GLS: variants seen among roughly 807,000 people sequenced by gnomAD.
GLS encodes the protein glutaminase kidney isoform, mitochondrial.
In GLS, 36 loss-of-function variants were observed where a neutral mutation model predicts 86.7. The ratio of observed to expected loss-of-function variants is 0.42; its 90% CI spans 0.32 to 0.55. The LOEUF is 0.55. Among genes scored for constraint, GLS ranks in the 20% least tolerant of loss-of-function variants. The pLI, the probability that GLS is intolerant of heterozygous loss-of-function variation, is 0.17. For missense variants in GLS, 528 were observed against 833.4 expected (o/e 0.63, Z 4.51); for synonymous variants, 317 against 305.9 (o/e 1.04, Z -0.38).
At chr2:190,933,798 A>G (rs930211628) in intron 14 of GLS, 6 of 696,266 alleles carry the variant, frequency 8.6e-6, no homozygotes, top group African/African-American at 5.8e-5. Flanking sequence ...TTCTTTTGTG[A>G]TAAGTTATAG....
intron 12 of GLS, among the ~76,000 whole-genome samples, chr2:190,928,819 C>G (rs1174682596): frequency 7.5e-6 from 1 of 134,176 alleles, no homozygotes; most frequent in Non-Finnish European, 1.5e-5. Context: ...TTTCCACTGT[C>G]TCTACATTGC....
At chr2:190,939,427 C>T (rs1196730733) in intron 14 of GLS, among the ~76,000 whole-genome samples, 3 of 151,600 alleles carry the variant, frequency 2.0e-5, no homozygotes, top group Non-Finnish European at 4.4e-5. Flanking sequence ...CTTCTCCCTA[C>T]AAGTTTCAGT....
At chr2:190,903,179 A>T (rs1390539386) in intron 5 of GLS, among the ~76,000 whole-genome samples, 2 of 151,994 alleles carry the variant, frequency 1.3e-5, no homozygotes, top group African/African-American at 4.8e-5. Flanking sequence ...AAAATCTGTG[A>T]CTCGTAAGGA....
rs1689417699 is a variant in GLS at position 190,913,142 on chromosome 2, G to A, written c.1038+2821G>A. The stretch of plus-strand genomic sequence containing the variant: ...ACCCCAAAATTAAGTAGAGTCTTTA[G>A]TAAGACTCTTGATTTCATAATTTTG... On this transcript the variant is annotated intron_variant, in intron 7 of 17. Coordinates refer to ENST00000320717, the MANE Select transcript of GLS (RefSeq NM_014905.5). The surrounding 1 kb of genome is among the most constrained non-coding windows in gnomAD (Gnocchi z 6.1). 1.6e-6 allele frequency: 2 copies of A among 1,282,378 alleles called. No homozygotes were observed. Among genetic ancestry groups the A allele is most frequent in the Non-Finnish European group, 1.0e-6 (1 of 969,330 alleles). The allele number at this position is 1,282,378 out of a possible 1,614,324, so 79.4% of individuals were successfully genotyped here.
At chr2:190,891,219 C>G (rs1174467637) in intron 1 of GLS, among the ~76,000 whole-genome samples, 1 of 152,134 alleles carries the variant, frequency 6.6e-6, no homozygotes, top group Admixed American at 6.5e-5. Context: ...AAAAACACTT[C>G]TACCATAGTA....
Position 190,913,042 on chromosome 2 carries a change from AT to A in GLS, c.1038+2732del, listed in dbSNP as rs11363248. Among the ~76,000 whole-genome samples the A allele has an allele frequency of 0.92, 139,091 of 151,014 alleles. 64,099 individuals carry two copies. The highest frequency in any genetic ancestry group is 0.94 in the Non-Finnish European group (63,794 of 67,686). On this transcript the variant is annotated intron_variant, in intron 7 of 17. Coordinates refer to ENST00000320717, the MANE Select transcript of GLS (RefSeq NM_014905.5). This position sits in a 1 kb window ranked among gnomAD's most constrained non-coding sequence, Gnocchi z 6.1. Reference sequence around the variant, plus strand: ...ATTGATGACCTTAAGGCTATTTGTGATTTTTTTTTTTCTTTCAAAATTCAGG... The same window carrying A: ...ATTGATGACCTTAAGGCTATTTGTGATTTTTTTTTTCTTTCAAAATTCAGG...
chr2:190,950,055 G>A (rs1690679498), intron 14 of GLS, among the ~76,000 whole-genome samples: 1 of 151,714 alleles, frequency 6.6e-6, no homozygotes, highest in Admixed American at 6.6e-5. Context: ...TGAAAAGAGG[G>A]GAGTGTTTTA....
intron 3 of GLS, among the ~76,000 whole-genome samples, chr2:190,899,342 G>A (rs12987113): frequency 0.45 from 69,018 of 151,740 alleles, 18,901 homozygotes; most frequent in Non-Finnish European, 0.62. Context: ...TGTAATAGGG[G>A]GATCCTTATG....
chr2:190,937,644 A>G (rs1690310023), intron 14 of GLS, among the ~76,000 whole-genome samples: 1 of 151,286 alleles, frequency 6.6e-6, no homozygotes, highest in Non-Finnish European at 1.5e-5. Flanking sequence ...TGCCATTTCT[A>G]TTTTGTAGAT....
At chr2:190,900,376 C>T (rs1688896934) in intron 3 of GLS, among the ~76,000 whole-genome samples, 188 bp from the exon 4 acceptor site, 1 of 152,082 alleles carries the variant, frequency 6.6e-6, no homozygotes, top group Admixed American at 6.6e-5. Flanking sequence ...CGTTCAACAG[C>T]TTACAAGCAA....
rs1690235846 is a variant in GLS at position 190,935,196 on chromosome 2, T to C, written c.1650+3559T>C. ...TGTTTGGATGAAAACATTTGTGTTG[T>C]TTAGCTTTCATTTGCTTTGTATATT... On this transcript the variant is annotated intron_variant, in intron 14 of 17. Transcript: ENST00000320717. The surrounding 1 kb of genome is among the most constrained non-coding windows in gnomAD (Gnocchi z 4.2). 2.2e-6 allele frequency: 2 copies of C among 889,820 alleles called. No homozygotes were observed. The highest frequency in any genetic ancestry group is 2.7e-6 in the Non-Finnish European group (2 of 743,028). 55.1% of individuals were successfully genotyped at this position (889,820 alleles called of 1,614,324 possible).
intron 1 of GLS, among the ~76,000 whole-genome samples, chr2:190,885,860 A>T (rs566440912): frequency 2.0e-4 from 29 of 147,248 alleles, no homozygotes; most frequent in East Asian, 7.9e-4. Context: ...TTTTTTTTTT[A>T]AATTTTATTT....
intron 11 of GLS, among the ~76,000 whole-genome samples, chr2:190,926,354 A>C (rs1415457314): frequency 6.6e-6 from 1 of 152,160 alleles, no homozygotes; most frequent in Non-Finnish European, 1.5e-5. Context: ...TTTTTATATA[A>C]ATAGGCAATG....
intron 1 of GLS, among the ~76,000 whole-genome samples, chr2:190,885,439 T>C (rs1012532666): frequency 2.6e-5 from 4 of 152,160 alleles, no homozygotes; most frequent in African/African-American, 9.7e-5. Context: ...ATCTGCCCGC[T>C]GTGGCCACCC....
intron 5 of GLS, among the ~76,000 whole-genome samples, chr2:190,903,021 G>A (rs1193117282): frequency 6.6e-6 from 1 of 152,132 alleles, no homozygotes; most frequent in African/African-American, 2.4e-5. Flanking sequence ...TCAAGATAAT[G>A]TTGCAATTAA....
intron 14 of GLS, among the ~76,000 whole-genome samples, chr2:190,941,806 G>T (rs1293177943): frequency 6.6e-6 from 1 of 152,044 alleles, no homozygotes. Flanking sequence ...CTAAGAGATG[G>T]GGCCATATTA....
Position 190,953,684 on chromosome 2 carries a change from G to A in GLS, c.1712+58G>A. Reference sequence around the variant, plus strand: ...ACAGATATTTATGAAGTTGCTTCTGGGCGAGCAGCCATTTTAAGGTTAAAG... The same window carrying A: ...ACAGATATTTATGAAGTTGCTTCTGAGCGAGCAGCCATTTTAAGGTTAAAG... On this transcript the variant is annotated intron_variant, in intron 15 of 17. Coordinates refer to ENST00000320717, the MANE Select transcript of GLS (RefSeq NM_014905.5). This position sits in a 1 kb window ranked among gnomAD's most constrained non-coding sequence, Gnocchi z 4.0. The A allele has an allele frequency of 8.6e-7, 1 of 1,160,460 alleles. No homozygotes were observed. The highest frequency in any genetic ancestry group is 2.0e-4 in the Middle Eastern group (1 of 5,090). The allele number at this position is 1,160,460 out of a possible 1,614,324, so 71.9% of individuals were successfully genotyped here.
At chr2:190,916,321 A>G (rs984846999) in intron 7 of GLS, among the ~76,000 whole-genome samples, 18 of 152,162 alleles carry the variant, frequency 1.2e-4, no homozygotes, top group Non-Finnish European at 2.9e-5. Context: ...TATTTTTGTT[A>G]ACATCTGTTT....
At chr2:190,890,705 A>T (rs924738532) in intron 1 of GLS, among the ~76,000 whole-genome samples, 1 of 152,238 alleles carries the variant, frequency 6.6e-6, no homozygotes, top group African/African-American at 2.4e-5. Context: ...CACTGATTTT[A>T]AAACAACCCT....
Sources: allele counts gnomAD v4.1 joint callset (sites outside exome capture counted in the v4.1 genomes callset), GRCh38; gene constraint gnomAD v4.1.1; non-coding constraint Gnocchi (gnomAD v3.1); transcripts MANE v1.5; gene names NCBI Gene and HGNC (gene_info 2026-07-23, HGNC 2026-07-21).